The following CFAP298 variants were observed in gnomAD, a reference collection of about 807,000 sequenced individuals.
The protein encoded by CFAP298 is cilia and flagella associated protein 298.
CFAP298 carries 38 observed loss-of-function variants against 41.0 expected under a neutral mutation model. The observed-to-expected ratio is 0.93, with a 90% CI of 0.72 to 1.22. The LOEUF (loss-of-function observed/expected upper bound fraction) is 1.22. CFAP298 is among the 50% of genes most tolerant of loss of function. The pLI, the probability that CFAP298 is intolerant of heterozygous loss-of-function variation, is 0.00. For synonymous variants in CFAP298, 137 were observed against 135.3 expected (o/e 1.01, Z -0.09); for missense variants, 348 against 360.3 (o/e 0.97, Z 0.28).
intron 6 of CFAP298, 69 bp from the exon 7 acceptor site, chr21:32,602,042 A>C: frequency 9.4e-7 from 1 of 1,062,082 alleles, no homozygotes; most frequent in East Asian, 2.4e-5. Context: ...GAGACTGAAG[A>C]AAGAGTCCAT....
rs146206584 is a variant in CFAP298 at position 32,611,146 on chromosome 21, A to G, written c.139+959T>C. Among the ~76,000 whole-genome samples, 273 of 151,508 alleles carry G rather than the reference A, an allele frequency of 1.8e-3. 3 individuals carry two copies. Among genetic ancestry groups the G allele is most frequent in the African/African-American group, 6.4e-3 (263 of 41,146 alleles). On this transcript the variant is annotated intron_variant, in intron 1 of 6. Coordinates refer to ENST00000290155, the MANE Select transcript of CFAP298 (RefSeq NM_021254.4). ...TGATGAAACCCCGTGTCCACTAAAG[A>G]TACAAATATTAGCTGGGCGTGGTGG...
intron 1 of CFAP298, among the ~76,000 whole-genome samples, chr21:32,611,339 AATTTATTTATATT>A (rs1189872651): frequency 1.6e-4 from 20 of 123,900 alleles, no homozygotes; most frequent in African/African-American, 4.9e-4. Context: ...ATATATATAT[AATTTATTTATATT>A]TATATATACA....
At position 32,600,106 on chromosome 21, in the gene CFAP298, AACTATAC is replaced by A. The variant is rs2038711801; in HGVS notation, c.*1750_*1756del. On this transcript the variant is annotated 3_prime_UTR_variant, in exon 7 of 7. Transcript: ENST00000290155. ...TCTGAGCATGAATTTAACACACACGAACTATACACTGACAAAGACAGGATGCTCCTGA... is the reference window on the plus strand; with the variant it reads ...TCTGAGCATGAATTTAACACACACGAACTGACAAAGACAGGATGCTCCTGA... 6.6e-6 allele frequency among the ~76,000 whole-genome samples: 1 copy of A among 152,220 alleles called. No individual in the cohort carries two copies. Among genetic ancestry groups the A allele is most frequent in the Non-Finnish European group, 1.5e-5 (1 of 68,040 alleles).
chr21:32,606,094 T>C (rs2038862013), intron 3 of CFAP298, among the ~76,000 whole-genome samples: 1 of 152,186 alleles, frequency 6.6e-6, no homozygotes, highest in African/African-American at 2.4e-5. Flanking sequence ...CAAGACACTG[T>C]GGTTCTGTTA....
chr21:32,606,769 T>C (rs1055841399), intron 3 of CFAP298, among the ~76,000 whole-genome samples: 2 of 152,338 alleles, frequency 1.3e-5, no homozygotes, highest in South Asian at 2.1e-4. Flanking sequence ...TTGAGAGCGG[T>C]AGCAACTAAT....
At position 32,602,337 on chromosome 21, in the gene CFAP298, T is replaced by C. The variant is rs370327238; in HGVS notation, c.697A>G (p.Ile233Val). 6.8e-6 allele frequency: 11 copies of C among 1,613,712 alleles called. No individual in the cohort carries two copies. The highest frequency in any genetic ancestry group is 4.0e-5 in the African/African-American group (3 of 74,922). The part of the protein sequence containing the change: ...RGQGAPAREP[I>V]ISSEEQKQLM... ...TGCTTCTGCTCCTCACTGCTAATAATAGGCTCTCGGGCTGGAGCTCCCTGT... is the reference window on the plus strand; with the variant it reads ...TGCTTCTGCTCCTCACTGCTAATAACAGGCTCTCGGGCTGGAGCTCCCTGT... Residue 233 changes from isoleucine to valine, a missense_variant, in exon 6 of 7, where the codon ATT (isoleucine) becomes GTT (valine). Transcript: ENST00000290155.
intron 1 of CFAP298, among the ~76,000 whole-genome samples, chr21:32,611,842 A>T (rs745361379): frequency 6.6e-6 from 1 of 151,510 alleles, no homozygotes; most frequent in Non-Finnish European, 1.5e-5. Flanking sequence ...TCCCCAGCCC[A>T]TTTCCACTTA....
chr21:32,602,794 C>A, intron 5 of CFAP298: 1 of 1,354,412 alleles, frequency 7.4e-7, no homozygotes, highest in Non-Finnish European at 9.5e-7. Context: ...GGTCTCGAAC[C>A]TTTCCTCCTC....
chr21:32,599,740 C>A lies in CFAP298; in HGVS notation c.*2123G>T, dbSNP rs1391591613. Among the ~76,000 whole-genome samples the A allele has an allele frequency of 6.6e-6, 1 of 152,170 alleles. No individual in the cohort carries two copies. Among genetic ancestry groups the A allele is most frequent in the East Asian group, 1.9e-4 (1 of 5,188 alleles). On this transcript the variant is annotated 3_prime_UTR_variant, in exon 7 of 7. Coordinates refer to ENST00000290155, the MANE Select transcript of CFAP298 (RefSeq NM_021254.4). ...CAGCACGGTGCCACAGCGGGCACCA[C>A]CTGCCCCCCGCCGTCACAGATGGCT... is the stretch of plus-strand genomic sequence containing the variant.
Position 32,600,854 on chromosome 21 carries a change from A to G in CFAP298, c.*1009T>C, listed in dbSNP as rs1568989535. On this transcript the variant is annotated 3_prime_UTR_variant, in exon 7 of 7. Transcript: ENST00000290155. ...GATCTATTCTCATGAAGGAGACTTG[A>G]GAAGCTGAGAAACTCCAGAAGAATT... Among the ~76,000 whole-genome samples, 1 of 152,228 alleles carries G rather than the reference A, an allele frequency of 6.6e-6. No homozygotes were observed. Among genetic ancestry groups the G allele is most frequent in the Non-Finnish European group, 1.5e-5 (1 of 68,038 alleles).
chr21:32,612,007 T>C (rs2039010871), intron 1 of CFAP298, 98 bp downstream of exon 1: 5 of 1,332,832 alleles, frequency 3.8e-6, no homozygotes, highest in Non-Finnish European at 3.9e-6. Flanking sequence ...TCTTCAATAA[T>C]CTTCACAAAC....
At chr21:32,607,747 G>C in intron 2 of CFAP298, 31 bp from the exon 3 acceptor site, 4 of 1,382,272 alleles carry the variant, frequency 2.9e-6, no homozygotes, top group Non-Finnish European at 4.1e-6. Flanking sequence ...GAGGGAGAAA[G>C]AGCTGTCAAA....
At chr21:32,608,394 C>T (rs1006857025) in intron 2 of CFAP298, among the ~76,000 whole-genome samples, 2 of 152,038 alleles carry the variant, frequency 1.3e-5, no homozygotes, top group Non-Finnish European at 2.9e-5. Context: ...TAGTGGCTCA[C>T]GCCTGTAATC....
intron 2 of CFAP298, among the ~76,000 whole-genome samples, chr21:32,608,867 A>T (rs542142798): frequency 4.5e-4 from 68 of 152,290 alleles, no homozygotes; most frequent in African/African-American, 1.5e-3. Context: ...CCTGATATTT[A>T]AAAAAATGTA....
In CFAP298 at chr21:32,604,240, T is replaced by C. The variant is rs1219172973; in HGVS notation, c.419A>G (p.Lys140Arg). 1 of 1,614,006 alleles carries C rather than the reference T, an allele frequency of 6.2e-7. No individual in the cohort carries two copies. Among genetic ancestry groups the C allele is most frequent in the East Asian group, 2.2e-5 (1 of 44,872 alleles). Residue 140 changes from lysine to arginine, a missense_variant, in exon 4 of 7, where the codon AAA (lysine) becomes AGA (arginine). Lys to Arg is a conservative substitution (Grantham distance 26). Transcript: ENST00000290155. Reference sequence around the variant, plus strand: ...GCCTCGAAGCTGGTCCAAGGCATCTTTCACCATCTCCATGGTAACACAGAC... The same window carrying C: ...GCCTCGAAGCTGGTCCAAGGCATCTCTCACCATCTCCATGGTAACACAGAC... The part of the protein sequence containing the change: ...AGVCVTMEMV[K>R]DALDQLRGAV...
At chr21:32,612,023 C>T (rs2039011360) in intron 1 of CFAP298, 82 bp downstream of exon 1, 1 of 1,417,392 alleles carries the variant, frequency 7.1e-7, no homozygotes, top group African/African-American at 1.5e-5. Context: ...CAAACCTGAC[C>T]CCTCGGCCCA....
In CFAP298 at chr21:32,602,501, G is replaced by A. The variant is rs1312545366; in HGVS notation, c.667-134C>T. The stretch of plus-strand genomic sequence containing the variant: ...ACAGGTCCCCCATGTCTGATCACCC[G>A]AAGTGAAGCATCAAGGGAAGCCTTG... On this transcript the variant is annotated intron_variant, in intron 5 of 6. Transcript: ENST00000290155. 14 of 1,447,486 alleles carry A rather than the reference G, an allele frequency of 9.7e-6. No individual in the cohort carries two copies. The Admixed American group carries it at 2.4e-4, about 25-fold the overall frequency. The allele number at this position is 1,447,486 out of a possible 1,614,324, so 89.7% of individuals were successfully genotyped here. A position where few individuals can be genotyped will look rare whatever the true frequency, so the allele number is the denominator to read the frequency against.
chr21:32,612,279 C>T lies in CFAP298; in HGVS notation c.-36G>A, dbSNP rs1177471805. The T allele has an allele frequency of 2.1e-6, 3 of 1,420,480 alleles. No homozygotes were observed. The highest frequency in any genetic ancestry group is 2.9e-6 in the Non-Finnish European group (3 of 1,036,436). 88.0% of individuals were successfully genotyped at this position (1,420,480 alleles called of 1,614,324 possible). ...CCGAGGTACTGAGGCGTTGAGAAGG[C>T]CCCGGCTGCGTGGCCCGCGGGTCCT... On this transcript the variant is annotated 5_prime_UTR_variant, in exon 1 of 7. Coordinates refer to ENST00000290155, the MANE Select transcript of CFAP298 (RefSeq NM_021254.4).
At chr21:32,602,171 C>T (rs1019976806) in intron 6 of CFAP298, 101 bp downstream of exon 6, 15 of 1,191,606 alleles carry the variant, frequency 1.3e-5, no homozygotes, top group Non-Finnish European at 9.8e-6. Context: ...GACCCCTCCC[C>T]GGCATTCTGC....
Sources: gnomAD v4.1 joint callset for allele counts (sites outside exome capture counted in the v4.1 genomes callset) on GRCh38, gnomAD v4.1.1 for gene constraint, MANE v1.5 for transcripts, NCBI Gene and HGNC (gene_info 2026-07-23, HGNC 2026-07-21) for gene names.